The following ADAMTS17 variants were observed in gnomAD, a reference collection of about 807,000 sequenced individuals.
ADAMTS17 encodes ADAM metallopeptidase with thrombospondin type 1 motif 17, also known as A disintegrin and metalloproteinase with thrombospondin motifs 17.
A neutral mutation model predicts 141.5 loss-of-function variants in ADAMTS17; 113 were observed. The observed-to-expected ratio is 0.80, with a 90% confidence interval of 0.69 to 0.93. ADAMTS17 has a LOEUF of 0.93. Among genes scored for constraint, ADAMTS17 ranks in the 40% least tolerant of loss-of-function variants. ADAMTS17 has a pLI of 0.00. For missense variants in ADAMTS17, 1,659 were observed against 1,517.9 expected (o/e 1.09, Z -1.54); for synonymous variants, 768 against 630.6 (o/e 1.22, Z -3.27).
At position 100,155,041 on chromosome 15, in the gene ADAMTS17, G is replaced by A. The variant is rs8034774; in HGVS notation, c.1322+139C>T. On this transcript the variant is annotated intron_variant, in intron 9 of 21. Coordinates refer to ENST00000268070, the MANE Select transcript of ADAMTS17 (RefSeq NM_139057.4). Reference sequence around the variant, plus strand: ...TCCTTGCCATTATAGGACACTCTGCGCTGACCGCCTCCTGAGGCTAGATGC... The same window carrying A: ...TCCTTGCCATTATAGGACACTCTGCACTGACCGCCTCCTGAGGCTAGATGC... 70,633 of 1,269,780 alleles carry A rather than the reference G, an allele frequency of 0.056. 2,176 individuals are homozygous for A. Among genetic ancestry groups the A allele is most frequent in the Admixed American group, 0.082 (4,302 of 52,626 alleles). The allele number at this position is 1,269,780 out of a possible 1,614,324, so 78.7% of individuals were successfully genotyped here. A position where few individuals can be genotyped will look rare whatever the true frequency, so the allele number is the denominator to read the frequency against.
intron 18 of ADAMTS17, among the ~76,000 whole-genome samples, chr15:100,001,229 C>G (rs1208447525): frequency 6.6e-6 from 1 of 152,174 alleles, no homozygotes; most frequent in Non-Finnish European, 1.5e-5. Context: ...AATCTAGAAT[C>G]AGCCACATCT....
intron 7 of ADAMTS17, among the ~76,000 whole-genome samples, chr15:100,245,768 G>A (rs1318502608): frequency 6.6e-6 from 1 of 152,180 alleles, no homozygotes; most frequent in Non-Finnish European, 1.5e-5. Context: ...CGCTGGTAGA[G>A]AACTTACAGA....
intron 11 of ADAMTS17, 37 bp downstream of exon 11, chr15:100,133,177 A>T: frequency 6.5e-7 from 1 of 1,537,362 alleles, no homozygotes; most frequent in Non-Finnish European, 8.8e-7. Flanking sequence ...CAAGATGTGG[A>T]GCTGCCTGTT....
chr15:100,201,261 C>T lies in ADAMTS17; in HGVS notation c.1076-1838G>A, dbSNP rs571614342. Reference sequence around the variant, plus strand: ...TGGATCATGGGAACAGTTTCCCCCACGCCGTTCTTGGGACAGTGAGTTAGT... The same window carrying T: ...TGGATCATGGGAACAGTTTCCCCCATGCCGTTCTTGGGACAGTGAGTTAGT... On this transcript the variant is annotated intron_variant, in intron 7 of 21. Transcript: ENST00000268070. Among the ~76,000 whole-genome samples the T allele has an allele frequency of 5.3e-5, 8 of 152,254 alleles. No homozygotes were observed. The East Asian group carries it at 1.2e-3, about 22-fold the overall frequency.
chr15:100,175,373 T>C (rs1482220877), intron 8 of ADAMTS17, among the ~76,000 whole-genome samples: 1 of 152,162 alleles, frequency 6.6e-6, no homozygotes, highest in East Asian at 1.9e-4. Context: ...ATTTTCCTTC[T>C]GCTTCAGGTA....
At chr15:100,152,502 A>G (rs1184829470) in intron 10 of ADAMTS17, 110 bp downstream of exon 10, 1 of 1,419,278 alleles carries the variant, frequency 7.0e-7, no homozygotes, top group Non-Finnish European at 9.8e-7. Flanking sequence ...TTGTGTGTGT[A>G]TGTGCCTGTG....
intron 15 of ADAMTS17, among the ~76,000 whole-genome samples, chr15:100,072,554 C>A (rs945042397): frequency 1.3e-5 from 2 of 152,056 alleles, no homozygotes; most frequent in Admixed American, 6.6e-5. Flanking sequence ...GGTACCAAAA[C>A]AGAGCTATAG....
In ADAMTS17 at chr15:100,158,966, A is replaced by G. The variant is rs181668413; in HGVS notation, c.1182-3646T>C. ...GATGTTTACTATGAAAATACAAAAC[A>G]TGACAAATGTCTGTGAGAATGCAGA... On this transcript the variant is annotated intron_variant, in intron 8 of 21. Coordinates refer to ENST00000268070, the MANE Select transcript of ADAMTS17 (RefSeq NM_139057.4). 8.7e-4 allele frequency among the ~76,000 whole-genome samples: 133 copies of G among 152,360 alleles called. 1 individual carries two copies. The highest frequency in any genetic ancestry group is 2.9e-3 in the African/African-American group (120 of 41,584).
chr15:100,245,753 A>C (rs994996375), intron 7 of ADAMTS17, among the ~76,000 whole-genome samples: 1 of 152,202 alleles, frequency 6.6e-6, no homozygotes, highest in African/African-American at 2.4e-5. Flanking sequence ...GAAGGATCTA[A>C]CAAGCGCTGG....
chr15:100,287,528 T>A (rs893529975), intron 3 of ADAMTS17, among the ~76,000 whole-genome samples: 1 of 151,986 alleles, frequency 6.6e-6, no homozygotes, highest in African/African-American at 2.4e-5. Flanking sequence ...ATTCAGGAAA[T>A]AGAGAACCCC....
At chr15:100,199,985 G>A (rs1596257124) in intron 7 of ADAMTS17, among the ~76,000 whole-genome samples, 1 of 152,238 alleles carries the variant, frequency 6.6e-6, no homozygotes, top group African/African-American at 2.4e-5. Flanking sequence ...AGCACGCCCC[G>A]GAAGGCTGCA....
At chr15:100,221,402 C>T (rs181386915) in intron 7 of ADAMTS17, among the ~76,000 whole-genome samples, 1 of 152,138 alleles carries the variant, frequency 6.6e-6, no homozygotes, top group African/African-American at 2.4e-5. Flanking sequence ...ACAGCTCATA[C>T]ACTCATATAA....
At position 100,187,346 on chromosome 15, in the gene ADAMTS17, C is replaced by T. The variant is rs369519751; in HGVS notation, c.1181+11972G>A. 4.7e-5 allele frequency among the ~76,000 whole-genome samples: 7 copies of T among 149,154 alleles called. No homozygotes were observed. The East Asian group carries it at 1.3e-3, about 29-fold the overall frequency. ...ACTTTCTTTCCCTTTGGTAACCAGC[C>T]CTCTTGGCTTTCCTTCCTGAGCCAC... On this transcript the variant is annotated intron_variant, in intron 8 of 21. Coordinates refer to ENST00000268070, the MANE Select transcript of ADAMTS17 (RefSeq NM_139057.4).
intron 8 of ADAMTS17, among the ~76,000 whole-genome samples, chr15:100,158,771 T>C (rs189331261): frequency 3.5e-4 from 54 of 152,188 alleles, no homozygotes; most frequent in African/African-American, 1.2e-3. Context: ...TACAACTCAA[T>C]AGCAAAAAAA....
intron 15 of ADAMTS17, among the ~76,000 whole-genome samples, chr15:100,057,286 G>A (rs917777340): frequency 2.0e-5 from 3 of 152,170 alleles, no homozygotes; most frequent in Non-Finnish European, 4.4e-5. Flanking sequence ...GAGGATAGAG[G>A]ACACCCAGGC....
intron 3 of ADAMTS17, among the ~76,000 whole-genome samples, chr15:100,327,021 C>T (rs774962725): frequency 6.6e-6 from 1 of 152,116 alleles, no homozygotes; most frequent in Non-Finnish European, 1.5e-5. Flanking sequence ...CATTTCCAAC[C>T]GAATGAATCT....
chr15:100,163,145 G>A (rs557680900), intron 8 of ADAMTS17, among the ~76,000 whole-genome samples: 19 of 151,406 alleles, frequency 1.3e-4, no homozygotes, highest in South Asian at 2.1e-4. Flanking sequence ...TTACACGTAC[G>A]TACATATATA....
intron 4 of ADAMTS17, among the ~76,000 whole-genome samples, chr15:100,270,205 A>T (rs2043857177): frequency 6.6e-6 from 1 of 152,012 alleles, no homozygotes; most frequent in South Asian, 2.1e-4. Flanking sequence ...CTCTGGAGCC[A>T]TTTCTTCAAT....
At position 100,047,028 on chromosome 15, in the gene ADAMTS17, A is replaced by G. The variant is rs186549355; in HGVS notation, c.2591+1829T>C. ...CACTGAATTCTTTTTCTCAGCAAGG[A>G]ACATCCCTGAGAAAGAGAATGAGCC... On this transcript the variant is annotated intron_variant, in intron 18 of 21. Coordinates refer to ENST00000268070, the MANE Select transcript of ADAMTS17 (RefSeq NM_139057.4). 2.2e-4 allele frequency among the ~76,000 whole-genome samples: 33 copies of G among 152,132 alleles called. No individual in the cohort carries two copies. In the South Asian group the frequency reaches 4.8e-3, roughly 22 times the overall value.
Sources: gnomAD v4.1 joint callset for allele counts (sites outside exome capture counted in the v4.1 genomes callset) on GRCh38, gnomAD v4.1.1 for gene constraint, MANE v1.5 for transcripts, NCBI Gene and HGNC (gene_info 2026-07-23, HGNC 2026-07-21) for gene names.